Variants in ASIC5 observed in about 807,000 individuals in gnomAD.
ASIC5 encodes the protein acid sensing ion channel subunit family member 5.
Under a neutral mutation model 51.2 loss-of-function variants are expected in ASIC5, and 52 were observed. The ratio of observed to expected loss-of-function variants is 1.02; its 90% confidence interval spans 0.81 to 1.28. The LOEUF is 1.28. Among genes scored for constraint, ASIC5 ranks in the 50% most tolerant of loss-of-function variants. The probability of loss-of-function intolerance (pLI) is 0.00; values close to 1 mark genes in which losing one functional copy is unlikely to be tolerated. For missense variants in ASIC5, 635 were observed against 595.0 expected (o/e 1.07, Z -0.70); for synonymous variants, 231 against 200.7 (o/e 1.15, Z -1.28).
intron 4 of ASIC5, among the ~76,000 whole-genome samples, chr4:155,850,527 C>A (rs577151932): frequency 6.6e-6 from 1 of 151,946 alleles, no homozygotes; most frequent in South Asian, 2.1e-4. Flanking sequence ...CTTGTCTCAC[C>A]GTTTTTCTCA....
In ASIC5 at chr4:155,854,188, A is replaced by C; in HGVS notation, c.474T>G (p.Ala158=). 2 of 1,613,464 alleles carry C rather than the reference A, an allele frequency of 1.2e-6. No homozygotes were observed. Among genetic ancestry groups the C allele is most frequent in the Non-Finnish European group, 1.7e-6 (2 of 1,179,636 alleles). The change falls in exon 3 of 10, where the codon GCT becomes GCG. Residue 158 remains alanine (A), a synonymous_variant. Coordinates refer to ENST00000537611, the MANE Select transcript of ASIC5 (RefSeq NM_017419.3). ...STGSREATDF[A]ASHQNFSIVE... ...CAATGCTGAAGTTTTGGTGACTTGC[A>C]GCAAAATCAGTAGCCTCTCTAGAGC...
intron 1 of ASIC5, among the ~76,000 whole-genome samples, chr4:155,864,342 AC>A (rs1423129169): frequency 6.6e-6 from 1 of 152,138 alleles, no homozygotes; most frequent in Non-Finnish European, 1.5e-5. Context: ...TCTATTTTCT[AC>A]CTCTTCATGG....
chr4:155,863,443 T>G lies in ASIC5; in HGVS notation c.347+5A>C. The G allele has an allele frequency of 6.2e-7, 1 of 1,604,256 alleles. No individual in the cohort carries two copies. Among genetic ancestry groups the G allele is most frequent in the Non-Finnish European group, 8.5e-7 (1 of 1,173,608 alleles). On this transcript the variant is annotated splice_donor_5th_base_variant and intron_variant, in intron 2 of 9. Transcript: ENST00000537611. ...ACTAATTATTTTTAAAAAAGTAATTTTTACCTGTTCAAATTACAAAATGTC... is the reference window on the plus strand; with the variant it reads ...ACTAATTATTTTTAAAAAAGTAATTGTTACCTGTTCAAATTACAAAATGTC...
intron 4 of ASIC5, among the ~76,000 whole-genome samples, chr4:155,846,010 CA>C (rs1296611657): frequency 6.6e-6 from 1 of 151,798 alleles, no homozygotes; most frequent in Non-Finnish European, 1.5e-5. Flanking sequence ...ATTTATATGT[CA>C]TATACACAAT....
chr4:155,851,993 A>G (rs866437426), intron 4 of ASIC5, among the ~76,000 whole-genome samples, 198 bp downstream of exon 4: 1 of 152,162 alleles, frequency 6.6e-6, no homozygotes, highest in Middle Eastern at 3.4e-3. Context: ...AAAAATCTCC[A>G]GTTTATGCCT....
chr4:155,832,713 C>T (rs1435909289), intron 8 of ASIC5, among the ~76,000 whole-genome samples: 2 of 152,096 alleles, frequency 1.3e-5, no homozygotes, highest in East Asian at 3.9e-4. Flanking sequence ...TAAATTTTCA[C>T]ACTCCATAGC....
intron 2 of ASIC5, among the ~76,000 whole-genome samples, chr4:155,857,349 C>A (rs921745323): frequency 2.0e-5 from 3 of 152,026 alleles, no homozygotes; most frequent in African/African-American, 7.2e-5. Context: ...GTCTCAAACT[C>A]CTGAGCTCAA....
chr4:155,865,582 TTGCCTGTCAA>T (rs1463500307), intron 1 of ASIC5, among the ~76,000 whole-genome samples: 1 of 152,170 alleles, frequency 6.6e-6, no homozygotes, highest in Admixed American at 6.6e-5. Flanking sequence ...ACTTTCAAGT[TTGCCTGTCAA>T]AAATCAGCCC....
chr4:155,857,602 GAT>G (rs1741579149), intron 2 of ASIC5, among the ~76,000 whole-genome samples: 1 of 152,042 alleles, frequency 6.6e-6, no homozygotes. Flanking sequence ...CCAGTTATTA[GAT>G]ATGTCTTTCT....
At chr4:155,831,288 G>C (rs1740865268) in intron 9 of ASIC5, among the ~76,000 whole-genome samples, 1 of 152,158 alleles carries the variant, frequency 6.6e-6, no homozygotes, top group Non-Finnish European at 1.5e-5. Context: ...GTGAGTGTGA[G>C]TAGGAGATGA....
intron 7 of ASIC5, 150 bp from the exon 8 acceptor site, chr4:155,837,007 C>T (rs1024786728): frequency 7.3e-6 from 4 of 550,730 alleles, no homozygotes; most frequent in African/African-American, 1.9e-5. Flanking sequence ...AAATATGTTA[C>T]TCTGAATATA....
chr4:155,851,446 T>C (rs1241057396), intron 4 of ASIC5, among the ~76,000 whole-genome samples: 2 of 152,054 alleles, frequency 1.3e-5, no homozygotes, highest in Admixed American at 6.6e-5. Flanking sequence ...ATCTTTGTCA[T>C]TAATTGTATG....
intron 4 of ASIC5, among the ~76,000 whole-genome samples, chr4:155,847,807 G>A (rs567810526): frequency 1.3e-5 from 2 of 152,128 alleles, no homozygotes; most frequent in Non-Finnish European, 2.9e-5. Flanking sequence ...GAGGCCTAGG[G>A]ACTATTGAGG....
chr4:155,842,417 C>G, intron 5 of ASIC5, 63 bp from the exon 6 acceptor site: 1 of 1,428,230 alleles, frequency 7.0e-7, no homozygotes, highest in Non-Finnish European at 9.5e-7. Context: ...TATTTTCCAT[C>G]AAGAAGCTGG....
intron 7 of ASIC5, 76 bp from the exon 8 acceptor site, chr4:155,836,933 A>G: frequency 8.9e-7 from 1 of 1,122,528 alleles, no homozygotes; most frequent in South Asian, 1.8e-5. Context: ...TATAAAGTTT[A>G]TCATTTCACT....
intron 4 of ASIC5, among the ~76,000 whole-genome samples, chr4:155,847,035 T>C (rs1479680415): frequency 6.6e-6 from 1 of 151,958 alleles, no homozygotes; most frequent in African/African-American, 2.4e-5. Flanking sequence ...AATAATATGG[T>C]AAATTTAGTC....
chr4:155,831,588 G>A (rs142836640), intron 9 of ASIC5, among the ~76,000 whole-genome samples: 2,865 of 152,188 alleles, frequency 0.019, 46 homozygotes, highest in Non-Finnish European at 0.03. Flanking sequence ...TGGCCAACAC[G>A]GTGAAACCCC....
At position 155,831,822 on chromosome 4, in the gene ASIC5, A is replaced by G; in HGVS notation, c.1327+2T>C. On this transcript the variant is annotated splice_donor_variant, in intron 9 of 9. Coordinates refer to ENST00000537611, the MANE Select transcript of ASIC5 (RefSeq NM_017419.3). LOFTEE classifies it high-confidence loss of function. The stretch of plus-strand genomic sequence containing the variant: ...AATAAGGAGCAATTAAATAACACTT[A>G]CCAAGTAACTCAGACACACTCACCG... 6.4e-7 allele frequency: 1 copy of G among 1,557,204 alleles called. No individual in the cohort carries two copies. The highest frequency in any genetic ancestry group is 8.9e-7 in the Non-Finnish European group (1 of 1,129,942).
At chr4:155,839,696 C>T (rs186458115) in intron 6 of ASIC5, among the ~76,000 whole-genome samples, 100 of 151,522 alleles carry the variant, frequency 6.6e-4, no homozygotes, top group Middle Eastern at 3.4e-3. Context: ...TAAGGAAGTG[C>T]TCTTTATGAA....
Sources: allele counts gnomAD v4.1 joint callset (sites outside exome capture counted in the v4.1 genomes callset), GRCh38; gene constraint gnomAD v4.1.1; transcripts MANE v1.5; gene names NCBI Gene and HGNC (gene_info 2026-07-23, HGNC 2026-07-21).